Variants in PSD3 observed in about 807,000 individuals in gnomAD.
The protein encoded by PSD3 is pleckstrin and Sec7 domain containing 3.
A neutral mutation model predicts 105.5 loss-of-function variants in PSD3; 49 were observed. That is an observed-to-expected ratio of 0.46 (90% CI 0.37 to 0.59). The LOEUF is 0.59. PSD3 is among the 20% of genes least tolerant of loss of function. The pLI, the probability that PSD3 is intolerant of heterozygous loss-of-function variation, is 0.00. For synonymous variants in PSD3, 557 were observed against 457.8 expected, an observed-to-expected ratio of 1.22 and a Z score of -2.77; for missense variants, 1,561 against 1,263.8, an observed-to-expected ratio of 1.24 and a Z score of -3.57.
At chr8:18,818,898 G>C (rs1384055061) in intron 4 of PSD3, among the ~76,000 whole-genome samples, 1 of 151,976 alleles carries the variant, frequency 6.6e-6, no homozygotes, top group Non-Finnish European at 1.5e-5. Flanking sequence ...CAGGTGGGTT[G>C]GGGGGAAAAG....
At chr8:18,801,433 C>T (rs1810674565) in intron 6 of PSD3, 51 bp from the exon 7 acceptor site, 2 of 1,015,234 alleles carry the variant, frequency 2.0e-6, no homozygotes, top group Non-Finnish European at 3.1e-6. Flanking sequence ...AATGCTATCA[C>T]ACTCTTTCAT....
chr8:18,940,809 G>A (rs1323680745), intron 1 of PSD3, among the ~76,000 whole-genome samples: 1 of 152,092 alleles, frequency 6.6e-6, no homozygotes, highest in Non-Finnish European at 1.5e-5. Context: ...GGGTATAATG[G>A]CATGGAGATC....
chr8:18,996,251 T>C lies in PSD3; in HGVS notation c.21+17312A>G, dbSNP rs999896008. On this transcript the variant is annotated intron_variant, in intron 1 of 15. Coordinates refer to ENST00000327040, the MANE Select transcript of PSD3 (RefSeq NM_015310.4). ...AAAATGTGATCTTATACATGCTTAA[T>C]GGACGGTGGGGAATCTGTGCCTCAG... Among the ~76,000 whole-genome samples, 3 of 151,970 alleles carry C rather than the reference T, an allele frequency of 2.0e-5. 1 individual carries two copies. Among genetic ancestry groups the C allele is most frequent in the African/African-American group, 4.8e-5 (2 of 41,344 alleles).
At chr8:19,060,935 C>G (rs1174295902) in intron 1 of PSD3, among the ~76,000 whole-genome samples, 1 of 152,186 alleles carries the variant, frequency 6.6e-6, no homozygotes, top group Non-Finnish European at 1.5e-5. Context: ...CAACAGCCCC[C>G]TTGTTGAAGG....
chr8:18,594,744 G>C (rs1321038841), intron 12 of PSD3, among the ~76,000 whole-genome samples: 1 of 151,768 alleles, frequency 6.6e-6, no homozygotes, highest in Non-Finnish European at 1.5e-5. Context: ...TATATCATAT[G>C]TATATCCTTC....
intron 1 of PSD3, among the ~76,000 whole-genome samples, chr8:18,947,426 C>T (rs980936126): frequency 6.6e-6 from 1 of 152,184 alleles, no homozygotes; most frequent in African/African-American, 2.4e-5. Flanking sequence ...CCCTGGAGGT[C>T]CATTCTCATT....
intron 15 of PSD3, among the ~76,000 whole-genome samples, chr8:18,542,786 A>G (rs1416188365): frequency 6.6e-6 from 1 of 152,172 alleles, no homozygotes; most frequent in Non-Finnish European, 1.5e-5. Context: ...TAGCCCTTTC[A>G]GGTATGTGTC....
intron 10 of PSD3, among the ~76,000 whole-genome samples, chr8:18,644,074 G>T (rs910109729): frequency 6.6e-6 from 1 of 152,204 alleles, no homozygotes; most frequent in African/African-American, 2.4e-5. Context: ...CTCTGGGACT[G>T]TGATGGAATG....
At chr8:18,718,664 C>T (rs560345965) in intron 9 of PSD3, among the ~76,000 whole-genome samples, 8 of 152,086 alleles carry the variant, frequency 5.3e-5, no homozygotes, top group East Asian at 1.9e-4. Flanking sequence ...TCCTAAGACC[C>T]GAAATGTCAT....
intron 1 of PSD3, among the ~76,000 whole-genome samples, chr8:18,985,224 G>A (rs1825442636): frequency 1.3e-5 from 2 of 152,242 alleles, no homozygotes; most frequent in East Asian, 1.9e-4. Context: ...GTGAGTCACC[G>A]CGCCCGGTCA....
chr8:18,577,347 C>G (rs1456729094), intron 12 of PSD3, among the ~76,000 whole-genome samples: 1 of 151,886 alleles, frequency 6.6e-6, no homozygotes, highest in Admixed American at 6.6e-5. Flanking sequence ...CGTTAATGTT[C>G]CATAAACATA....
At chr8:19,071,677 A>G (rs1483116957) in intron 1 of PSD3, among the ~76,000 whole-genome samples, 4 of 151,996 alleles carry the variant, frequency 2.6e-5, no homozygotes, top group Non-Finnish European at 5.9e-5. Context: ...AGAGTTAGTC[A>G]GAATTTTACA....
intron 1 of PSD3, among the ~76,000 whole-genome samples, chr8:18,954,832 C>T (rs948171926): frequency 2.6e-5 from 4 of 152,136 alleles, no homozygotes; most frequent in South Asian, 4.1e-4. Flanking sequence ...GGACCACACA[C>T]TGAGAAACAC....
intron 11 of PSD3, among the ~76,000 whole-genome samples, chr8:18,614,696 A>G (rs946317056): frequency 6.6e-6 from 1 of 152,156 alleles, no homozygotes; most frequent in Non-Finnish European, 1.5e-5. Context: ...CAGGGTGATT[A>G]CAGCTCACTG....
Position 18,945,184 on chromosome 8 carries a change from C to T in PSD3, c.22-9042G>A, listed in dbSNP as rs559780175. ...AATCTCTGGAACCTGTGAATGTCAC[C>T]TTACATGGCATAGCCTTTGAAAATG... On this transcript the variant is annotated intron_variant, in intron 1 of 15. Coordinates refer to ENST00000327040, the MANE Select transcript of PSD3 (RefSeq NM_015310.4). Among the ~76,000 whole-genome samples the T allele has an allele frequency of 2.0e-5, 3 of 152,324 alleles. No individual in the cohort carries two copies. In the East Asian group the frequency reaches 5.8e-4, roughly 29 times the overall value.
chr8:18,954,535 A>G (rs958040723), intron 1 of PSD3, among the ~76,000 whole-genome samples: 8 of 151,902 alleles, frequency 5.3e-5, no homozygotes, highest in Non-Finnish European at 1.2e-4. Context: ...GCAATCAACC[A>G]TCCATCCATC....
rs572544618 is a variant in PSD3 at position 18,561,689 on chromosome 8, T to C, written c.2785-5337A>G. Among the ~76,000 whole-genome samples the C allele has an allele frequency of 3.9e-5, 6 of 152,322 alleles. No individual in the cohort carries two copies. The South Asian group carries it at 1.2e-3, about 32-fold the overall frequency. ...ATAATTATTATATGGTCAATTAAAATTGTTAAAAAAATATTTAATTTTTTT... is the reference window on the plus strand; with the variant it reads ...ATAATTATTATATGGTCAATTAAAACTGTTAAAAAAATATTTAATTTTTTT... On this transcript the variant is annotated intron_variant, in intron 14 of 15. Transcript: ENST00000327040.
intron 14 of PSD3, among the ~76,000 whole-genome samples, chr8:18,567,257 A>T (rs1801839741): frequency 2.5e-5 from 1 of 39,716 alleles, no homozygotes; most frequent in Admixed American, 3.9e-4. Context: ...AGCAAAACTC[A>T]ATTTTGGAAG....
intron 4 of PSD3, among the ~76,000 whole-genome samples, chr8:18,861,195 C>CCAGGATGCTATCCA (rs1369963190): frequency 6.6e-6 from 1 of 152,158 alleles, no homozygotes; most frequent in Non-Finnish European, 1.5e-5. Flanking sequence ...CACTTAGCTT[C>CCAGGATGCTATCCA]CATCCTGGGC....
Sources: allele counts gnomAD v4.1 joint callset (sites outside exome capture counted in the v4.1 genomes callset), GRCh38; gene constraint gnomAD v4.1.1; transcripts MANE v1.5; gene names NCBI Gene and HGNC (gene_info 2026-07-23, HGNC 2026-07-21).